Variants in RGS17 observed in about 807,000 individuals in gnomAD.
RGS17 encodes regulator of G-protein signaling 17.
Under a neutral mutation model 25.5 loss-of-function variants are expected in RGS17, and 12 were observed. That is an observed-to-expected ratio of 0.47 (90% CI 0.30 to 0.76). The LOEUF is 0.76. Ranked by LOEUF, RGS17 falls within the 30% of genes least tolerant of loss-of-function variation. RGS17 has a pLI of 0.07. For missense variants in RGS17, 196 were observed against 242.2 expected (o/e 0.81, Z 1.27); for synonymous variants, 71 against 76.9 (o/e 0.92, Z 0.40).
intron 1 of RGS17, among the ~76,000 whole-genome samples, chr6:153,093,647 A>T (rs542286253): frequency 1.3e-5 from 2 of 152,354 alleles, no homozygotes; most frequent in East Asian, 3.9e-4. Flanking sequence ...AATCGTACAC[A>T]CACTTTACAG....
intron 1 of RGS17, among the ~76,000 whole-genome samples, chr6:153,059,187 T>TA (rs1409405820): frequency 3.3e-5 from 5 of 152,308 alleles, no homozygotes; most frequent in South Asian, 2.1e-4. Context: ...AAAAAGACTA[T>TA]AAAATAGTTG....
intron 1 of RGS17, among the ~76,000 whole-genome samples, chr6:153,119,916 C>T (rs146303761): frequency 0.01 from 1,526 of 152,304 alleles, 17 homozygotes; most frequent in African/African-American, 0.026. Flanking sequence ...TCTTTTTCCA[C>T]GGCTTTTCTC....
intron 1 of RGS17, among the ~76,000 whole-genome samples, chr6:153,105,262 TG>T (rs1410168458): frequency 6.6e-6 from 1 of 152,104 alleles, no homozygotes; most frequent in Non-Finnish European, 1.5e-5. Flanking sequence ...GCCATGTAGT[TG>T]TTGTTCTGTC....
chr6:153,128,775 T>C (rs997269989), intron 1 of RGS17, among the ~76,000 whole-genome samples: 5 of 152,140 alleles, frequency 3.3e-5, no homozygotes, highest in African/African-American at 1.2e-4. Context: ...ACCTTAAACA[T>C]GATGAATTCA....
At chr6:153,017,289 G>A (rs551766646) in intron 4 of RGS17, among the ~76,000 whole-genome samples, 1 of 152,240 alleles carries the variant, frequency 6.6e-6, no homozygotes, top group African/African-American at 2.4e-5. Flanking sequence ...ATAGGTCTCG[G>A]TGAACTTGGA....
At chr6:153,096,723 C>T (rs1777219090) in intron 1 of RGS17, among the ~76,000 whole-genome samples, 1 of 152,162 alleles carries the variant, frequency 6.6e-6, no homozygotes, top group South Asian at 2.1e-4. Flanking sequence ...CTCCTTTTAA[C>T]ATATCAAGTT....
chr6:153,054,400 C>T (rs1023180475), intron 1 of RGS17, among the ~76,000 whole-genome samples: 2 of 151,380 alleles, frequency 1.3e-5, no homozygotes, highest in South Asian at 2.1e-4. Flanking sequence ...CCTGAAATCC[C>T]GCACTTTGGG....
At chr6:153,025,994 T>C (rs943584604) in intron 3 of RGS17, among the ~76,000 whole-genome samples, 1 of 152,080 alleles carries the variant, frequency 6.6e-6, no homozygotes, top group African/African-American at 2.4e-5. Context: ...TTTTAGTCCA[T>C]AGGTACCTCT....
chr6:153,096,789 T>C (rs1428701328), intron 1 of RGS17, among the ~76,000 whole-genome samples: 5 of 152,322 alleles, frequency 3.3e-5, no homozygotes, highest in African/African-American at 4.8e-5. Flanking sequence ...GGATGACTTA[T>C]TCAAAACTGA....
chr6:153,055,207 C>G (rs2129113168), intron 1 of RGS17, among the ~76,000 whole-genome samples: 1 of 152,236 alleles, frequency 6.6e-6, no homozygotes, highest in Admixed American at 6.5e-5. Flanking sequence ...TGCACCACTG[C>G]AAACTGGTGC....
At chr6:153,064,190 G>A (rs1776675944) in intron 1 of RGS17, among the ~76,000 whole-genome samples, 1 of 152,084 alleles carries the variant, frequency 6.6e-6, no homozygotes, top group Admixed American at 6.6e-5. Flanking sequence ...AAAACACAGA[G>A]TACTATAACA....
In RGS17 at chr6:153,007,053, A is replaced by C. The variant is rs1372239319; in HGVS notation, c.*4521T>G. On this transcript the variant is annotated 3_prime_UTR_variant, in exon 5 of 5. Transcript: ENST00000206262. Reference sequence around the variant, plus strand: ...TTTTGCCTTTTGTAGTGTTTTCAGTAGAGTCAAAGTCTTGAACAGCCTCTT... The same window carrying C: ...TTTTGCCTTTTGTAGTGTTTTCAGTCGAGTCAAAGTCTTGAACAGCCTCTT... 1.3e-5 allele frequency: 2 copies of C among 152,250 alleles called. No individual in the cohort carries two copies. The highest frequency in any genetic ancestry group is 2.9e-5 in the Non-Finnish European group (2 of 68,050). 9.4% of individuals were successfully genotyped at this position (152,250 alleles called of 1,614,324 possible). A position where few individuals can be genotyped will look rare whatever the true frequency, so the allele number is the denominator to read the frequency against.
At chr6:153,115,262 T>A (rs1177276741) in intron 1 of RGS17, among the ~76,000 whole-genome samples, 1 of 152,060 alleles carries the variant, frequency 6.6e-6, no homozygotes, top group African/African-American at 2.4e-5. Flanking sequence ...TGTGCAAAAA[T>A]CACAAACATT....
chr6:153,106,923 C>T (rs886454298), intron 1 of RGS17, among the ~76,000 whole-genome samples: 5 of 151,918 alleles, frequency 3.3e-5, no homozygotes, highest in Admixed American at 6.5e-5. Flanking sequence ...CGTCAGCCAC[C>T]GTGCCTGGCT....
At chr6:153,043,336 C>A (rs192308017) in intron 2 of RGS17, among the ~76,000 whole-genome samples, 1 of 152,156 alleles carries the variant, frequency 6.6e-6, no homozygotes, top group African/African-American at 2.4e-5. Flanking sequence ...CCAAGCACAG[C>A]CACTGACCTT....
At position 153,006,672 on chromosome 6, in the gene RGS17, A is replaced by G. The variant is rs1779079538; in HGVS notation, c.*4902T>C. The G allele has an allele frequency of 6.6e-6, 1 of 152,296 alleles. No individual in the cohort carries two copies. The highest frequency in any genetic ancestry group is 1.9e-4 in the East Asian group (1 of 5,200). 9.4% of individuals were successfully genotyped at this position (152,296 alleles called of 1,614,324 possible). ...AAGTGACATTTAATACAAGTATACA[A>G]TAACAATTATTGACGTGATGCACTT... is the stretch of plus-strand genomic sequence containing the variant. On this transcript the variant is annotated 3_prime_UTR_variant, in exon 5 of 5. Transcript: ENST00000206262.
At chr6:153,080,062 A>T (rs1405137599) in intron 1 of RGS17, among the ~76,000 whole-genome samples, 2 of 152,038 alleles carry the variant, frequency 1.3e-5, no homozygotes, top group Non-Finnish European at 2.9e-5. Context: ...GCTCACTGCA[A>T]CCTCCGCCTT....
At chr6:153,101,787 C>T (rs1777306562) in intron 1 of RGS17, among the ~76,000 whole-genome samples, 1 of 39,112 alleles carries the variant, frequency 2.6e-5, no homozygotes, top group African/African-American at 1.8e-4. Context: ...GTACTTCCCC[C>T]TTCACTCTCT....
intron 4 of RGS17, among the ~76,000 whole-genome samples, chr6:153,013,063 CTTTATT>C (rs1779150109): frequency 6.6e-6 from 1 of 152,110 alleles, no homozygotes; most frequent in South Asian, 2.1e-4. Context: ...CTGCACTTCC[CTTTATT>C]TAGTTTTTCG....
Sources: allele counts gnomAD v4.1 joint callset (sites outside exome capture counted in the v4.1 genomes callset), GRCh38; gene constraint gnomAD v4.1.1; transcripts MANE v1.5; gene names NCBI Gene and HGNC (gene_info 2026-07-23, HGNC 2026-07-21).